The following CCDC117 variants were observed in gnomAD, a reference collection of about 807,000 sequenced individuals.
The protein encoded by CCDC117 is coiled-coil domain containing 117.
CCDC117 carries 1 observed loss-of-function variant against 23.5 expected under a neutral mutation model. The observed-to-expected ratio is 0.04, with a 90% CI of 0.02 to 0.20. CCDC117 has a LOEUF of 0.20. Ranked by LOEUF, CCDC117 falls within the 10% of genes least tolerant of loss-of-function variation. CCDC117 has a pLI of 1.00. For missense variants in CCDC117, 383 were observed against 348.2 expected (o/e 1.10, Z -0.80); for synonymous variants, 132 against 124.8 (o/e 1.06, Z -0.39).
At position 28,783,559 on chromosome 22, in the gene CCDC117, C is replaced by T. The variant is rs1343671310; in HGVS notation, c.516C>T (p.Leu172=). The T allele has an allele frequency of 6.2e-7, 1 of 1,613,404 alleles. No individual in the cohort carries two copies. Among genetic ancestry groups the T allele is most frequent in the Non-Finnish European group, 8.5e-7 (1 of 1,179,576 alleles). ...AAGCTGACAGAAATGTTAACCATCT[C>T]CCCAGTCTTGTCCTTTCTGATACCA... The part of the protein sequence containing the change: ...EVEADRNVNH[L]PSLVLSDTMK... Residue 172 remains leucine (L), a synonymous_variant, in exon 4 of 5, where the codon CTC becomes CTT. Coordinates refer to ENST00000249064, the MANE Select transcript of CCDC117 (RefSeq NM_173510.4).
At chr22:28,783,967 AG>A (rs1182352366) in intron 4 of CCDC117, among the ~76,000 whole-genome samples, 1 of 152,176 alleles carries the variant, frequency 6.6e-6, no homozygotes, top group East Asian at 1.9e-4. Context: ...CACATTTTAA[AG>A]GCTCTTGTTT....
intron 1 of CCDC117, 33 bp downstream of exon 1, chr22:28,773,067 G>T: frequency 2.2e-6 from 1 of 456,760 alleles, no homozygotes; most frequent in Non-Finnish European, 2.5e-6. Flanking sequence ...GGCGCAGGGC[G>T]GGCGGGCGGG....
chr22:28,783,853 TACTC>T (rs1377367276), intron 4 of CCDC117, among the ~76,000 whole-genome samples: 2 of 152,174 alleles, frequency 1.3e-5, no homozygotes, highest in African/African-American at 4.8e-5. Flanking sequence ...CTTGCCTACT[TACTC>T]TTTGGTTCCT....
At chr22:28,773,452 A>T in intron 1 of CCDC117, 1 of 491,142 alleles carries the variant, frequency 2.0e-6, no homozygotes, top group Non-Finnish European at 3.7e-6. Flanking sequence ...TGCTTAACAC[A>T]GCGCCTGCCC....
chr22:28,772,732 T>G lies in CCDC117; in HGVS notation c.-118T>G, dbSNP rs1412928793. 2 of 773,342 alleles carry G rather than the reference T, an allele frequency of 2.6e-6. No homozygotes were observed. The highest frequency in any genetic ancestry group is 3.7e-5 in the East Asian group (1 of 26,766). 47.9% of individuals were successfully genotyped at this position (773,342 alleles called of 1,614,324 possible). The stretch of plus-strand genomic sequence containing the variant: ...GTGGAGGGTTCTAGAAGGCGTGACG[T>G]GGGGTCGAGAGCGGGATCCGAGGCT... On this transcript the variant is annotated 5_prime_UTR_variant, in exon 1 of 5. Transcript: ENST00000249064.
Position 28,781,341 on chromosome 22 carries a change from T to TG in CCDC117, c.464+169_464+170insG, listed in dbSNP as rs1569198924. ...GTTTTTGTTTTTTTGTTTTGTTTTT[T>TG]TTTTTTTTTTTTTTTTTTTTTTTTT... On this transcript the variant is annotated intron_variant, in intron 3 of 4. Transcript: ENST00000249064. Among the ~76,000 whole-genome samples, 14 of 3,512 alleles carry TG rather than the reference T, an allele frequency of 4.0e-3. 1 individual carries two copies. The highest frequency in any genetic ancestry group is 6.5e-3 in the Non-Finnish European group (14 of 2,146). 2.3% of individuals were successfully genotyped at this position (3,512 alleles called of 152,430 possible).
At chr22:28,780,854 T>C in intron 2 of CCDC117, 94 bp from the exon 3 acceptor site, 1 of 926,724 alleles carries the variant, frequency 1.1e-6, no homozygotes, top group Non-Finnish European at 1.6e-6. Flanking sequence ...AAAAGCTAGT[T>C]TTTTAAATAC....
At chr22:28,773,903 T>TAGTG in intron 2 of CCDC117, 125 bp downstream of exon 2, 1 of 759,044 alleles carries the variant, frequency 1.3e-6, no homozygotes, top group South Asian at 1.6e-5. Context: ...ACACAGAAAT[T>TAGTG]AGTGACATTG....
At position 28,786,675 on chromosome 22, in the gene CCDC117, T is replaced by A. The variant is rs2031521032; in HGVS notation, c.*349T>A. ...ACACTTGGAGAATATTCTCCTTGAA[T>A]TAAAAAAGATGATTAAGAAGGATGC... On this transcript the variant is annotated 3_prime_UTR_variant, in exon 5 of 5. Coordinates refer to ENST00000249064, the MANE Select transcript of CCDC117 (RefSeq NM_173510.4). 1 of 205,558 alleles carries A rather than the reference T, an allele frequency of 4.9e-6. No individual in the cohort carries two copies. Among genetic ancestry groups the A allele is most frequent in the Non-Finnish European group, 1.0e-5 (1 of 100,194 alleles). 12.7% of individuals were successfully genotyped at this position (205,558 alleles called of 1,614,324 possible).
chr22:28,773,119 C>G (rs1411944573), intron 1 of CCDC117, 85 bp downstream of exon 1: 3 of 594,246 alleles, frequency 5.0e-6, no homozygotes, highest in South Asian at 1.4e-4. Flanking sequence ...CGGGCAGGGG[C>G]GCGGGCTCCG....
intron 1 of CCDC117, 36 bp from the exon 2 acceptor site, chr22:28,773,689 A>C (rs774371102): frequency 6.4e-7 from 1 of 1,567,978 alleles, no homozygotes; most frequent in Non-Finnish European, 8.8e-7. Flanking sequence ...GCTCGAGTAC[A>C]TTTCTTAATT....
rs1601417257 is a variant in CCDC117, at chr22:28,772,849, T to G, written c.-1T>G. The stretch of plus-strand genomic sequence containing the variant: ...GTCGCAGCCTCCTCGTCTCGCCGGC[T>G]ATGGCTGCGCTCGGCCGGCCCTTCA... On this transcript the variant is annotated 5_prime_UTR_variant, in exon 1 of 5. Coordinates refer to ENST00000249064, the MANE Select transcript of CCDC117 (RefSeq NM_173510.4). 8.1e-7 allele frequency: 1 copy of G among 1,229,404 alleles called. No homozygotes were observed. The highest frequency in any genetic ancestry group is 1.0e-6 in the Non-Finnish European group (1 of 986,060). The allele number at this position is 1,229,404 out of a possible 1,614,324, so 76.2% of individuals were successfully genotyped here.
chr22:28,775,095 C>T (rs1189708798), intron 2 of CCDC117, among the ~76,000 whole-genome samples: 1 of 152,094 alleles, frequency 6.6e-6, no homozygotes, highest in Non-Finnish European at 1.5e-5. Context: ...AACCCCATCT[C>T]TATTAAAATA....
intron 1 of CCDC117, 33 bp downstream of exon 1, chr22:28,773,067 G>A (rs2031040290): frequency 4.4e-6 from 2 of 456,754 alleles, no homozygotes; most frequent in Non-Finnish European, 5.0e-6. Context: ...GGCGCAGGGC[G>A]GGCGGGCGGG....
chr22:28,781,015 T>G lies in CCDC117; in HGVS notation c.307T>G (p.Cys103Gly), dbSNP rs1048300671. 7 of 1,614,142 alleles carry G rather than the reference T, an allele frequency of 4.3e-6. No individual in the cohort carries two copies. The highest frequency in any genetic ancestry group is 5.9e-6 in the Non-Finnish European group (7 of 1,180,012). ...TGCTGGTCCTAATGACTGGATTCTTTGTGCACATCAGGATGTAGAGGGGCA... is the reference window on the plus strand; with the variant it reads ...TGCTGGTCCTAATGACTGGATTCTTGGTGCACATCAGGATGTAGAGGGGCA... ...LCAGPNDWILCAHQDVEGHGV... is the reference protein window; with the variant it reads ...LCAGPNDWILGAHQDVEGHGV... Residue 103 changes from cysteine to glycine, a missense_variant, in exon 3 of 5, where the codon TGT becomes GGT. By Grantham distance (159) the Cys-to-Gly change is radical. Coordinates refer to ENST00000249064, the MANE Select transcript of CCDC117 (RefSeq NM_173510.4).
Position 28,772,870 on chromosome 22 carries a change from C to G in CCDC117, c.21C>G (p.Pro7=). 1 of 1,236,574 alleles carries G rather than the reference C, an allele frequency of 8.1e-7. No individual in the cohort carries two copies. Among genetic ancestry groups the G allele is most frequent in the Non-Finnish European group, 1.0e-6 (1 of 989,500 alleles). The allele number at this position is 1,236,574 out of a possible 1,614,324, so 76.6% of individuals were successfully genotyped here. A position where few individuals can be genotyped will look rare whatever the true frequency, so the allele number is the denominator to read the frequency against. MAALGR[P]FSGLPLSGGS... ...CGGCTATGGCTGCGCTCGGCCGGCC[C>G]TTCAGCGGCCTCCCTCTGAGCGGCG... The change falls in exon 1 of 5, where the codon CCC becomes CCG. Residue 7 remains proline (P), a synonymous_variant. Transcript: ENST00000249064.
intron 4 of CCDC117, among the ~76,000 whole-genome samples, chr22:28,785,837 T>G (rs2031493837): frequency 1.3e-5 from 2 of 151,722 alleles, no homozygotes; most frequent in South Asian, 4.2e-4. Context: ...GTGGGTAGAT[T>G]GCTTGACCCC....
chr22:28,777,654 C>G (rs1000145420), intron 2 of CCDC117, among the ~76,000 whole-genome samples: 2 of 151,738 alleles, frequency 1.3e-5, no homozygotes, highest in African/African-American at 4.8e-5. Flanking sequence ...GGACCACAGG[C>G]TTGCACCTCC....
chr22:28,774,551 T>A (rs193055082), intron 2 of CCDC117, among the ~76,000 whole-genome samples: 6 of 151,998 alleles, frequency 3.9e-5, no homozygotes, highest in African/African-American at 1.4e-4. Flanking sequence ...TTTTAAAAAA[T>A]TTTTTGTAGA....
Sources: gnomAD v4.1 joint callset for allele counts (sites outside exome capture counted in the v4.1 genomes callset) on GRCh38, gnomAD v4.1.1 for gene constraint, MANE v1.5 for transcripts, NCBI Gene and HGNC (gene_info 2026-07-23, HGNC 2026-07-21) for gene names.